The following VSTM4 variants were observed in gnomAD, a reference collection of about 807,000 sequenced individuals.
VSTM4 encodes the protein V-set and transmembrane domain-containing protein 4.
Under a neutral mutation model 36.4 loss-of-function variants are expected in VSTM4, and 20 were observed. That is an observed-to-expected ratio of 0.55 (90% confidence interval 0.39 to 0.80). The LOEUF (loss-of-function observed/expected upper bound fraction) is 0.80. Ranked by LOEUF, VSTM4 falls within the 30% of genes least tolerant of loss-of-function variation. The pLI, the probability that VSTM4 is intolerant of heterozygous loss-of-function variation, is 0.00. For synonymous variants in VSTM4, 182 were observed against 173.9 expected (o/e 1.05, Z -0.37); for missense variants, 392 against 404.5 (o/e 0.97, Z 0.26).
chr10:49,042,759 T>A (rs888548357), intron 7 of VSTM4, among the ~76,000 whole-genome samples: 7 of 152,212 alleles, frequency 4.6e-5, no homozygotes, highest in African/African-American at 1.4e-4. Flanking sequence ...ACAGCAGGAA[T>A]CACAGCAGAC....
chr10:49,024,447 A>C (rs1843227324), intron 7 of VSTM4, among the ~76,000 whole-genome samples: 1 of 152,168 alleles, frequency 6.6e-6, no homozygotes, highest in African/African-American at 2.4e-5. Flanking sequence ...CAGATCAATG[A>C]AAGTGTTCAT....
At chr10:49,093,742 C>CTTTTTT (rs35299738) in intron 2 of VSTM4, among the ~76,000 whole-genome samples, 24 of 103,642 alleles carry the variant, frequency 2.3e-4, no homozygotes, top group East Asian at 5.8e-4. Context: ...CATAGTTACT[C>CTTTTTT]TTTTTTTTTT....
At chr10:49,092,638 G>GCTCCACCTC (rs1048013239) in intron 2 of VSTM4, among the ~76,000 whole-genome samples, 1 of 152,142 alleles carries the variant, frequency 6.6e-6, no homozygotes, top group Non-Finnish European at 1.5e-5. Flanking sequence ...CCTGGCTAGG[G>GCTCCACCTC]CTCCACCTCC....
At chr10:49,090,623 C>T (rs994133848) in intron 2 of VSTM4, among the ~76,000 whole-genome samples, 2 of 152,174 alleles carry the variant, frequency 1.3e-5, no homozygotes, top group Non-Finnish European at 2.9e-5. Flanking sequence ...CTGCATTCAC[C>T]ACCTCCCTCA....
intron 7 of VSTM4, among the ~76,000 whole-genome samples, chr10:49,039,798 C>T (rs933367437): frequency 5.9e-5 from 9 of 152,174 alleles, no homozygotes; most frequent in African/African-American, 1.2e-4. Context: ...CTGTGTCCTG[C>T]GGCTGTTTTT....
intron 1 of VSTM4, among the ~76,000 whole-genome samples, chr10:49,114,128 T>C (rs897759132): frequency 1.3e-5 from 2 of 151,624 alleles, no homozygotes; most frequent in Non-Finnish European, 2.9e-5. Context: ...AAGGCAAACT[T>C]CTCATCATTT....
At position 49,017,787 on chromosome 10, in the gene VSTM4, C is replaced by T. The variant is rs2131923714; in HGVS notation, c.*1863G>A. ...TTTGGGCAAATTAGGAGATCATCCT[C>T]TGCCCTCAAAACACTATACATCTGT... On this transcript the variant is annotated 3_prime_UTR_variant, in exon 8 of 8. Transcript: ENST00000332853. 1 of 152,322 alleles carries T rather than the reference C, an allele frequency of 6.6e-6. No homozygotes were observed. Among genetic ancestry groups the T allele is most frequent in the South Asian group, 2.1e-4 (1 of 4,832 alleles). The allele number at this position is 152,322 out of a possible 1,614,324, so 9.4% of individuals were successfully genotyped here.
At chr10:49,092,614 A>C (rs1306678824) in intron 2 of VSTM4, among the ~76,000 whole-genome samples, 2 of 152,172 alleles carry the variant, frequency 1.3e-5, no homozygotes, top group African/African-American at 4.8e-5. Context: ...TGCTGGGTAG[A>C]GGAGGGCGTG....
chr10:49,087,967 ATATATACATATGTAATATATATGTG>A (rs57579384), intron 2 of VSTM4, among the ~76,000 whole-genome samples: 8,842 of 147,902 alleles, frequency 0.06, 893 homozygotes, highest in African/African-American at 0.21. Context: ...ATATATGTGT[ATATATACATATGTAATATATATGTG>A]TATATACACA....
chr10:49,101,499 C>G (rs890476580), intron 2 of VSTM4, among the ~76,000 whole-genome samples: 8 of 152,030 alleles, frequency 5.3e-5, no homozygotes, highest in African/African-American at 1.4e-4. Flanking sequence ...AATACAAAAA[C>G]AGAAATTAAA....
chr10:49,071,841 C>T (rs553674032), intron 4 of VSTM4, among the ~76,000 whole-genome samples: 1 of 152,230 alleles, frequency 6.6e-6, no homozygotes, highest in East Asian at 1.9e-4. Context: ...GGTTGGGTCT[C>T]CTGAATGTGG....
intron 2 of VSTM4, 90 bp downstream of exon 2, chr10:49,107,504 C>A: frequency 6.7e-7 from 1 of 1,494,230 alleles, no homozygotes; most frequent in Admixed American, 2.3e-5. Context: ...GCAACACAGC[C>A]AACCCGGGAG....
chr10:49,074,977 C>T (rs1229819105), intron 4 of VSTM4, among the ~76,000 whole-genome samples: 2 of 152,216 alleles, frequency 1.3e-5, no homozygotes, highest in Non-Finnish European at 2.9e-5. Flanking sequence ...TTGTCGCTCT[C>T]ATCCAGGGTC....
At chr10:49,051,426 C>G (rs1198064636) in intron 5 of VSTM4, among the ~76,000 whole-genome samples, 1 of 136,078 alleles carries the variant, frequency 7.3e-6, no homozygotes, top group Admixed American at 7.9e-5. Flanking sequence ...GAGACAGTCT[C>G]TCTTTGTTGC....
chr10:49,090,697 T>G (rs919970920), intron 2 of VSTM4, among the ~76,000 whole-genome samples: 6 of 151,962 alleles, frequency 3.9e-5, no homozygotes, highest in Non-Finnish European at 7.4e-5. Flanking sequence ...CCCCTCTGGG[T>G]GATAGGAATG....
intron 3 of VSTM4, among the ~76,000 whole-genome samples, chr10:49,081,174 G>C (rs1167347831): frequency 6.6e-6 from 1 of 152,140 alleles, no homozygotes; most frequent in Non-Finnish European, 1.5e-5. Context: ...TTTCCACATT[G>C]GTCAGCAAAC....
At chr10:49,100,287 T>TA (rs1176089183) in intron 2 of VSTM4, among the ~76,000 whole-genome samples, 1 of 151,792 alleles carries the variant, frequency 6.6e-6, no homozygotes, top group Non-Finnish European at 1.5e-5. Context: ...GTACAGGTAG[T>TA]ACTGGCCAAT....
chr10:49,059,832 C>A (rs1843844345), intron 5 of VSTM4, among the ~76,000 whole-genome samples: 1 of 152,192 alleles, frequency 6.6e-6, no homozygotes, highest in Non-Finnish European at 1.5e-5. Context: ...ATTTCTATCA[C>A]CCCCAAAGGT....
chr10:49,107,537 G>T (rs746260197), intron 2 of VSTM4, 57 bp downstream of exon 2: 4 of 1,535,012 alleles, frequency 2.6e-6, no homozygotes, highest in African/African-American at 1.4e-5. Context: ...GGCTGCAAAG[G>T]GGGGCCTACT....
Sources: allele counts gnomAD v4.1 joint callset (sites outside exome capture counted in the v4.1 genomes callset), GRCh38; gene constraint gnomAD v4.1.1; transcripts MANE v1.5; gene names NCBI Gene and HGNC (gene_info 2026-07-23, HGNC 2026-07-21).